CABLES2: variants seen among roughly 807,000 people sequenced by gnomAD.
CABLES2 encodes CDK5 and ABL1 enzyme substrate 2.
In CABLES2, 35 loss-of-function variants were observed where a neutral mutation model predicts 44.8. That is an observed-to-expected ratio of 0.78 (90% CI 0.60 to 1.04). CABLES2 has a LOEUF of 1.04. CABLES2 is among the 50% of genes least tolerant of loss of function. The probability of loss-of-function intolerance (pLI) is 0.00; values close to 1 mark genes in which losing one functional copy is unlikely to be tolerated. For missense variants in CABLES2, 566 were observed against 615.7 expected, an observed-to-expected ratio of 0.92 and a Z score of 0.85; for synonymous variants, 282 against 281.1, an observed-to-expected ratio of 1.00 and a Z score of -0.03.
chr20:62,398,255 GTGGTGA>G (rs1442537275), intron 1 of CABLES2, among the ~76,000 whole-genome samples: 17 of 137,582 alleles, frequency 1.2e-4, no homozygotes, highest in South Asian at 1.2e-3. Flanking sequence ...GGTGATGGTG[GTGGTGA>G]TGGTGATGGC....
At chr20:62,402,536 C>T (rs1001102535) in intron 1 of CABLES2, 5 of 152,234 alleles carry the variant, frequency 3.3e-5, no homozygotes, top group Non-Finnish European at 7.3e-5. Context: ...GAGACTGGAA[C>T]CGTCTCTCGC....
intron 1 of CABLES2, among the ~76,000 whole-genome samples, chr20:62,397,682 G>A (rs753171917): frequency 1.4e-4 from 22 of 152,168 alleles, no homozygotes; most frequent in Non-Finnish European, 2.9e-4. Context: ...CCCTTATACC[G>A]GGAGCCATGA....
chr20:62,406,010 C>T (rs372448456), intron 1 of CABLES2: 14 of 153,726 alleles, frequency 9.1e-5, no homozygotes, highest in African/African-American at 2.6e-4. Flanking sequence ...AGGCAGGGCT[C>T]ATGGTTGGGG....
At chr20:62,398,171 A>G (rs796237039) in intron 1 of CABLES2, among the ~76,000 whole-genome samples, 329 of 23,166 alleles carry the variant, frequency 0.014, 9 homozygotes, top group African/African-American at 0.048. Flanking sequence ...TGATGGTGGT[A>G]ATGGTGGTGG....
intron 7 of CABLES2, 91 bp from the exon 8 acceptor site, chr20:62,392,586 G>T: frequency 1.0e-6 from 1 of 980,808 alleles, no homozygotes; most frequent in Non-Finnish European, 1.6e-6. Flanking sequence ...ACTGTCCTGG[G>T]TTTGCAAACA....
intron 1 of CABLES2, among the ~76,000 whole-genome samples, chr20:62,397,766 T>C (rs1988044843): frequency 6.6e-6 from 1 of 152,062 alleles, no homozygotes; most frequent in Non-Finnish European, 1.5e-5. Context: ...TGATACAACG[T>C]TGCAGTATTG....
intron 1 of CABLES2, among the ~76,000 whole-genome samples, chr20:62,406,618 C>T (rs892164422): frequency 2.0e-5 from 3 of 152,146 alleles, no homozygotes; most frequent in African/African-American, 7.2e-5. Context: ...CCCAGGTGAA[C>T]CCAACCCCTG....
chr20:62,398,106 A>ACGGTGGTGGTGGTGGTGG (rs1988090065), intron 1 of CABLES2, among the ~76,000 whole-genome samples: 1 of 48,778 alleles, frequency 2.1e-5, no homozygotes, highest in African/African-American at 7.8e-5. Context: ...GGTGGTGGTG[A>ACGGTGGTGGTGGTGGTGG]TGGTGGTGGT....
chr20:62,399,536 C>T (rs1368644688), intron 1 of CABLES2, among the ~76,000 whole-genome samples: 1 of 148,688 alleles, frequency 6.7e-6, no homozygotes, highest in Non-Finnish European at 1.5e-5. Flanking sequence ...CGTGAGCCAC[C>T]ACGCCCGGCC....
At position 62,391,604 on chromosome 20, in the gene CABLES2, AC is replaced by A; in HGVS notation, c.1092-152del. The A allele has an allele frequency of 1.3e-6, 1 of 795,466 alleles. No individual in the cohort carries two copies. 49.3% of individuals were successfully genotyped at this position (795,466 alleles called of 1,614,324 possible). A position where few individuals can be genotyped will look rare whatever the true frequency, so the allele number is the denominator to read the frequency against. On this transcript the variant is annotated intron_variant, in intron 8 of 9. Coordinates refer to ENST00000279101, the MANE Select transcript of CABLES2 (RefSeq NM_031215.3). This position sits in a 1 kb window ranked among gnomAD's most constrained non-coding sequence, Gnocchi z 5.7. ...TTCAGGGGATGGTACCCTCCGCCGT[AC>A]CATGTATAACGCCCAGGGCAGGGCG...
chr20:62,400,825 T>G (rs994585623), intron 1 of CABLES2, among the ~76,000 whole-genome samples: 5 of 152,228 alleles, frequency 3.3e-5, no homozygotes, highest in African/African-American at 1.2e-4. Context: ...GCTGCAGGAA[T>G]GATGGGTTTC....
intron 1 of CABLES2, chr20:62,402,925 C>T (rs958631338): frequency 6.6e-6 from 1 of 152,262 alleles, no homozygotes; most frequent in Non-Finnish European, 1.5e-5. Context: ...AAACAAGGTG[C>T]CAGATGCTGA....
rs1489944612 is a variant in CABLES2, at chr20:62,394,970, G to A, written c.572C>T (p.Ser191Leu). 12 of 1,612,934 alleles carry A rather than the reference G, an allele frequency of 7.4e-6. No individual in the cohort carries two copies. The highest frequency in any genetic ancestry group is 2.2e-5 in the South Asian group (2 of 91,046). ...CAGGCCTTCCCCATAGGGCAGGACC[G>A]AGAAGGCCGCGCACAGGGACCGCTT... The part of the protein sequence containing the change: ...CAKRSLCAAF[S>L]VLPYGEGLRI... Residue 191 changes from serine (S) to leucine (L), a missense_variant, in exon 4 of 10, where the codon TCG becomes TTG. By Grantham distance (145) the Ser-to-Leu change is moderately radical. Transcript: ENST00000279101.
Position 62,394,230 on chromosome 20 carries a change from G to A in CABLES2, c.641C>T (p.Pro214Leu), listed in dbSNP as rs890242719. Residue 214 changes from proline to leucine, a missense_variant, in exon 5 of 10, where the codon CCG becomes CTG. Physicochemically the swap from Pro to Leu is moderately conservative, Grantham distance 98. This residue lies in a region of CABLES2 where 436 missense variants were observed against 536.3 expected (regional missense o/e 0.81). Transcript: ENST00000279101. ...LRVDSQKQRH[P>L]SGGVSVSSEM... Reference sequence around the variant, plus strand: ...GGAAGACACAGAGACGCCGCCGGACGGGTGCCTCTGCTTCTGGCTGTCCAC... The same window carrying A: ...GGAAGACACAGAGACGCCGCCGGACAGGTGCCTCTGCTTCTGGCTGTCCAC... 3.7e-6 allele frequency: 6 copies of A among 1,613,388 alleles called. No homozygotes were observed. Among genetic ancestry groups the A allele is most frequent in the Middle Eastern group, 1.6e-4 (1 of 6,084 alleles).
In CABLES2 at chr20:62,390,623, A is replaced by G; in HGVS notation, c.*348T>C. The G allele has an allele frequency of 3.5e-6, 1 of 284,560 alleles. No individual in the cohort carries two copies. Among genetic ancestry groups the G allele is most frequent in the Non-Finnish European group, 6.8e-6 (1 of 147,634 alleles). 17.6% of individuals were successfully genotyped at this position (284,560 alleles called of 1,614,324 possible). ...CAGAAGGCGAGGCCAGGGGAGACAC[A>G]CTGCAGCCGGCTCGCTGCTGCACGC... On this transcript the variant is annotated 3_prime_UTR_variant, in exon 10 of 10. Transcript: ENST00000279101.
chr20:62,406,798 T>TG, intron 1 of CABLES2, 117 bp downstream of exon 1: 1 of 534,040 alleles, frequency 1.9e-6, no homozygotes, highest in African/African-American at 2.0e-5. Context: ...CCTGACCCCC[T>TG]TGTCCTGGGC....
chr20:62,393,030 G>A lies in CABLES2; in HGVS notation c.881-7C>T. On this transcript the variant is annotated splice_polypyrimidine_tract_variant and splice_region_variant and intron_variant, in intron 6 of 9. Transcript: ENST00000279101. ...GTGTCCCCCACGTCACTCCCTGTAA[G>A]AGAGGCAACCCCTGACCCACCAGGA... 6.2e-7 allele frequency: 1 copy of A among 1,610,908 alleles called. No homozygotes were observed. Among genetic ancestry groups the A allele is most frequent in the Non-Finnish European group, 8.5e-7 (1 of 1,177,368 alleles).
intron 1 of CABLES2, among the ~76,000 whole-genome samples, chr20:62,398,014 C>A (rs1464603337): frequency 2.8e-5 from 3 of 105,906 alleles, no homozygotes; most frequent in East Asian, 3.3e-4. Flanking sequence ...ATGGTTATGG[C>A]GGTGGTGGTG....
chr20:62,397,941 G>GCGGTGGTGGTGGTGATGA, intron 1 of CABLES2, among the ~76,000 whole-genome samples: 1 of 136,126 alleles, frequency 7.3e-6, no homozygotes, highest in African/African-American at 2.8e-5. Flanking sequence ...GGTGGTGATG[G>GCGGTGGTGGTGGTGATGA]TGGTGACGGT....
Sources: allele counts gnomAD v4.1 joint callset (sites outside exome capture counted in the v4.1 genomes callset), GRCh38; gene constraint gnomAD v4.1.1; regional missense constraint gnomAD v4.1.1; non-coding constraint Gnocchi (gnomAD v3.1); transcripts MANE v1.5; gene names NCBI Gene and HGNC (gene_info 2026-07-23, HGNC 2026-07-21).